WNK2: variants seen among roughly 807,000 people sequenced by gnomAD.
WNK2 encodes serine/threonine-protein kinase WNK2.
In WNK2, 67 loss-of-function variants were observed where a neutral mutation model predicts 192.1. The observed-to-expected ratio is 0.35, with a 90% CI of 0.29 to 0.43. The LOEUF (loss-of-function observed/expected upper bound fraction) is 0.43. Ranked by LOEUF, WNK2 falls within the 20% of genes least tolerant of loss-of-function variation. The probability of loss-of-function intolerance (pLI) is 1.00; values close to 1 mark genes in which losing one functional copy is unlikely to be tolerated. For synonymous variants in WNK2, 1,439 were observed against 1,393.9 expected (o/e 1.03, Z -0.72); for missense variants, 2,698 against 3,089.7 (o/e 0.87, Z 3.01).
intron 28 of WNK2, 28 bp downstream of exon 28, chr9:93,308,612 C>T (rs1255569039): frequency 4.6e-6 from 7 of 1,517,350 alleles, no homozygotes; most frequent in Non-Finnish European, 6.2e-6. Context: ...GGGGCGGGTG[C>T]TCCTGGGGTG....
chr9:93,231,097 A>C lies in WNK2; in HGVS notation c.1064A>C (p.Lys355Thr), dbSNP rs1330819673. The C allele has an allele frequency of 6.2e-7, 1 of 1,613,850 alleles. No homozygotes were observed. The highest frequency in any genetic ancestry group is 1.3e-5 in the African/African-American group (1 of 74,928). ...ACTCTGAAAAGAGCGTCATTTGCCAAAAGTGTGATAGGTAAACCTGCTTCT... is the reference window on the plus strand; with the variant it reads ...ACTCTGAAAAGAGCGTCATTTGCCACAAGTGTGATAGGTAAACCTGCTTCT... ...LATLKRASFA[K>T]SVIGTPEFMA... is the part of the protein sequence containing the mutation. The change falls in exon 4 of 30, where the codon AAA (lysine) becomes ACA (threonine). Residue 355 changes from lysine to threonine, a missense_variant. Around this residue, in one of 7 missense-constraint regions of WNK2, gnomAD observed 230 missense variants for 501.1 expected, o/e 0.46. Coordinates refer to ENST00000427277, the MANE Select transcript of WNK2 (RefSeq NM_006648.4).
chr9:93,253,172 C>T (rs905562871), intron 9 of WNK2, 90 bp downstream of exon 9: 2 of 1,134,676 alleles, frequency 1.8e-6, no homozygotes, highest in Non-Finnish European at 2.3e-6. Flanking sequence ...ATGGGCTGTC[C>T]AGGCTGCACT....
chr9:93,309,448 CCTTT>C (rs1479642289), intron 28 of WNK2, among the ~76,000 whole-genome samples: 1 of 152,130 alleles, frequency 6.6e-6, no homozygotes, highest in Non-Finnish European at 1.5e-5. Flanking sequence ...TTAAATTCTG[CCTTT>C]CTGACAATTG....
intron 11 of WNK2, among the ~76,000 whole-genome samples, 164 bp from the exon 12 acceptor site, chr9:93,258,767 C>G (rs551345458): frequency 7.2e-4 from 110 of 152,186 alleles, no homozygotes; most frequent in African/African-American, 2.4e-3. Context: ...TCTTTGGGTT[C>G]CCTTCAACAG....
rs376769805 is a variant in WNK2 at position 93,259,330 on chromosome 9, C to G, written c.2782C>G (p.Pro928Ala). 10 of 1,613,450 alleles carry G rather than the reference C, an allele frequency of 6.2e-6. No homozygotes were observed. The African/African-American group carries it at 1.3e-4, about 22-fold the overall frequency. ...QMAPTDVPPS[P>A]HHTVQNMRAT... ...GGCGCCTACTGACGTCCCTCCTTCCCCCCATCACACGGTGCAGAATATGAG... is the reference window on the plus strand; with the variant it reads ...GGCGCCTACTGACGTCCCTCCTTCCGCCCATCACACGGTGCAGAATATGAG... Residue 928 changes from proline to alanine, a missense_variant, in exon 12 of 30, where the codon CCC (proline) becomes GCC (alanine). Physicochemically the swap from Pro to Ala is conservative, Grantham distance 27. Transcript: ENST00000427277. The surrounding 1 kb of genome is among the most constrained non-coding windows in gnomAD (Gnocchi z 4.8).
intron 26 of WNK2, among the ~76,000 whole-genome samples, chr9:93,304,657 CT>C (rs1338662175): frequency 6.6e-6 from 1 of 152,192 alleles, no homozygotes; most frequent in Non-Finnish European, 1.5e-5. Context: ...TGGGGGCTGT[CT>C]TTGGGTGCCA....
chr9:93,266,574 G>T (rs1457795547), intron 16 of WNK2, among the ~76,000 whole-genome samples: 1 of 152,202 alleles, frequency 6.6e-6, no homozygotes, highest in Non-Finnish European at 1.5e-5. Context: ...GTCACAGCTG[G>T]CTGGATGTTC....
chr9:93,244,132 C>T (rs368995169), intron 7 of WNK2, among the ~76,000 whole-genome samples: 1 of 152,186 alleles, frequency 6.6e-6, no homozygotes, highest in Non-Finnish European at 1.5e-5. Context: ...GATGTTAGGT[C>T]TTAGAGGTGT....
Position 93,190,843 on chromosome 9 carries a change from C to T in WNK2, c.681+5233C>T, listed in dbSNP as rs117856527. On this transcript the variant is annotated intron_variant, in intron 2 of 29. Transcript: ENST00000427277. ...TCTCCAGGCTTGATCTTGGGCCCTCCTCTAGGCGGCTGCTTTTCCAGAGGA... is the reference window on the plus strand; with the variant it reads ...TCTCCAGGCTTGATCTTGGGCCCTCTTCTAGGCGGCTGCTTTTCCAGAGGA... Among the ~76,000 whole-genome samples, 1,037 of 152,344 alleles carry T rather than the reference C, an allele frequency of 6.8e-3. 18 individuals carry two copies. The South Asian group carries it at 0.075, about 11-fold the overall frequency.
At chr9:93,219,234 G>A (rs918059794) in intron 2 of WNK2, among the ~76,000 whole-genome samples, 2 of 152,236 alleles carry the variant, frequency 1.3e-5, no homozygotes, top group Non-Finnish European at 2.9e-5. Flanking sequence ...AAATGTGAAT[G>A]GTCTGTATCT....
Position 93,193,251 on chromosome 9 carries a change from C to T in WNK2, c.681+7641C>T, listed in dbSNP as rs576058387. Among the ~76,000 whole-genome samples the T allele has an allele frequency of 2.0e-5, 3 of 152,268 alleles. No individual in the cohort carries two copies. The East Asian group carries it at 5.8e-4, about 29-fold the overall frequency. On this transcript the variant is annotated intron_variant, in intron 2 of 29. Coordinates refer to ENST00000427277, the MANE Select transcript of WNK2 (RefSeq NM_006648.4). ...GGAGGGCCCTGCCATGTTCCCAGTG[C>T]GTGGCCATGGGAGGGCACCTGTTTC...
rs1841886679 is a variant in WNK2 at position 93,247,273 on chromosome 9, T to C, written c.1543-270T>C. ...GCTGGGAGCTCAGGGAGCCCTTGGG[T>C]CCGGTTGAGGGGCTGGTCTGCTTTG... On this transcript the variant is annotated intron_variant, in intron 7 of 29. Coordinates refer to ENST00000427277, the MANE Select transcript of WNK2 (RefSeq NM_006648.4). The surrounding 1 kb of genome is among the most constrained non-coding windows in gnomAD (Gnocchi z 5.2). Among the ~76,000 whole-genome samples the C allele has an allele frequency of 6.6e-6, 1 of 152,130 alleles. No homozygotes were observed. The highest frequency in any genetic ancestry group is 1.5e-5 in the Non-Finnish European group (1 of 68,022).
chr9:93,185,191 C>A lies in WNK2; in HGVS notation c.262C>A (p.Arg88Ser), dbSNP rs1185185103. The change falls in exon 2 of 30, where the codon CGC becomes AGC. Residue 88 changes from arginine to serine, a missense_variant. Physicochemically the swap from Arg to Ser is moderately radical, Grantham distance 110 (BLOSUM62 -1). Around this residue, in one of 7 missense-constraint regions of WNK2, gnomAD observed 260 missense variants for 285.6 expected, o/e 0.91. Transcript: ENST00000427277. ...CAAGACGCGCCGCCTCATCGCGGAGCGCGCCCGCGGACGCCCCGCCGCCCC... is the reference window on the plus strand; with the variant it reads ...CAAGACGCGCCGCCTCATCGCGGAGAGCGCCCGCGGACGCCCCGCCGCCCC... ...LCKTRRLIAE[R>S]ARGRPAAPAP... 1 of 1,174,758 alleles carries A rather than the reference C, an allele frequency of 8.5e-7. No individual in the cohort carries two copies. The allele number at this position is 1,174,758 out of a possible 1,614,324, so 72.8% of individuals were successfully genotyped here. A position where few individuals can be genotyped will look rare whatever the true frequency, so the allele number is the denominator to read the frequency against.
rs777058384 is a variant in WNK2 at position 93,259,494 on chromosome 9, G to GCAACCCATGCTGCCCCCA, written c.2952_2969dup (p.Met985_Pro990dup). The GCAACCCATGCTGCCCCCA allele has an allele frequency of 7.6e-7, 1 of 1,317,712 alleles. No homozygotes were observed. The highest frequency in any genetic ancestry group is 1.0e-6 in the Non-Finnish European group (1 of 982,638). The allele number at this position is 1,317,712 out of a possible 1,614,324, so 81.6% of individuals were successfully genotyped here. A position where few individuals can be genotyped will look rare whatever the true frequency, so the allele number is the denominator to read the frequency against. On this transcript the variant is annotated inframe_insertion, in exon 12 of 30. Transcript: ENST00000427277. The surrounding 1 kb of genome is among the most constrained non-coding windows in gnomAD (Gnocchi z 4.8). The stretch of plus-strand genomic sequence containing the variant: ...GGCCCCCTCAACCTGTGCTGCCCCC[G>GCAACCCATGCTGCCCCCA]CAACCCATGCTGCCCCCACAACCTG...
chr9:93,226,164 C>CGTTCCTTTG (rs1837781184), intron 2 of WNK2, among the ~76,000 whole-genome samples: 1 of 152,196 alleles, frequency 6.6e-6, no homozygotes, highest in African/African-American at 2.4e-5. Flanking sequence ...CCACCTGGGC[C>CGTTCCTTTG]GTTCCTTTGC....
chr9:93,309,615 C>T (rs1853277196), intron 28 of WNK2, among the ~76,000 whole-genome samples: 1 of 152,156 alleles, frequency 6.6e-6, no homozygotes, highest in Non-Finnish European at 1.5e-5. Flanking sequence ...TCTGCCTCTC[C>T]TTCGCTCTTT....
At chr9:93,216,321 T>G (rs1247049039) in intron 2 of WNK2, among the ~76,000 whole-genome samples, 1 of 152,142 alleles carries the variant, frequency 6.6e-6, no homozygotes, top group Non-Finnish European at 1.5e-5. Context: ...TGTGCAATTT[T>G]CAGCTTAGCA....
At chr9:93,237,111 G>A (rs1366224612) in intron 5 of WNK2, among the ~76,000 whole-genome samples, 1 of 152,220 alleles carries the variant, frequency 6.6e-6, no homozygotes, top group Non-Finnish European at 1.5e-5. Flanking sequence ...CTGGCTTCAA[G>A]CAGTGGGGAG....
intron 2 of WNK2, among the ~76,000 whole-genome samples, chr9:93,196,244 C>G (rs1457102371): frequency 6.6e-6 from 1 of 152,092 alleles, no homozygotes; most frequent in Admixed American, 6.5e-5. Flanking sequence ...CAATCCGCCC[C>G]TCACCCCTGC....
Sources: gnomAD v4.1 joint callset for allele counts (sites outside exome capture counted in the v4.1 genomes callset) on GRCh38, gnomAD v4.1.1 for gene constraint, gnomAD v4.1.1 regional missense constraint, Gnocchi (gnomAD v3.1) non-coding constraint, MANE v1.5 for transcripts, NCBI Gene and HGNC (gene_info 2026-07-23, HGNC 2026-07-21) for gene names.